The following MARCHF6 variants were observed in gnomAD, a reference collection of about 807,000 sequenced individuals.
MARCHF6 encodes the protein E3 ubiquitin-protein ligase MARCHF6.
MARCHF6 carries 31 observed loss-of-function variants against 133.7 expected under a neutral mutation model. The observed-to-expected ratio is 0.23, with a 90% CI of 0.17 to 0.31. MARCHF6 has a LOEUF of 0.31. Ranked by LOEUF, MARCHF6 falls within the 10% of genes least tolerant of loss-of-function variation. The pLI, the probability that MARCHF6 is intolerant of heterozygous loss-of-function variation, is 1.00. For synonymous variants in MARCHF6, 395 were observed against 402.5 expected, an observed-to-expected ratio of 0.98 and a Z score of 0.22; for missense variants, 723 against 1,121.6, an observed-to-expected ratio of 0.64 and a Z score of 5.08.
chr5:10,420,224 G>A (rs752406669), intron 22 of MARCHF6, among the ~76,000 whole-genome samples: 7 of 152,176 alleles, frequency 4.6e-5, no homozygotes, highest in Non-Finnish European at 7.3e-5. Flanking sequence ...ATGTCAGAAG[G>A]CCTACAACAT....
chr5:10,431,272 A>G (rs1740344384), intron 25 of MARCHF6, among the ~76,000 whole-genome samples: 1 of 152,208 alleles, frequency 6.6e-6, no homozygotes. Flanking sequence ...TCAACTTCTT[A>G]GCACTCAACT....
rs377282036 is a variant in MARCHF6 at position 10,390,482 on chromosome 5, G to A, written c.558G>A (p.Ala186=). The change falls in exon 6 of 26, where the codon GCG becomes GCA. Residue 186 remains alanine (A), a synonymous_variant. Transcript: ENST00000274140. The part of the protein sequence containing the change: ...LEHAAPPFNA[A]GHHQNEAPAG... The stretch of plus-strand genomic sequence containing the variant: ...ATGCTGCCCCACCGTTCAATGCTGC[G>A]GGGCATCACCAAAATGAGGTAACTC... The A allele has an allele frequency of 1.6e-4, 262 of 1,612,896 alleles. No homozygotes were observed. The highest frequency in any genetic ancestry group is 2.1e-4 in the Non-Finnish European group (249 of 1,179,698).
intron 12 of MARCHF6, 28 bp from the exon 13 acceptor site, chr5:10,402,356 T>C: frequency 1.3e-6 from 2 of 1,593,462 alleles, no homozygotes; most frequent in African/African-American, 1.3e-5. Flanking sequence ...CTTTAAATAC[T>C]CAGTTTTTCC....
chr5:10,391,484 G>A lies in MARCHF6; in HGVS notation c.577-58G>A, dbSNP rs151077315. The A allele has an allele frequency of 6.2e-4, 257 of 417,230 alleles. 1 individual carries two copies. Among genetic ancestry groups the A allele is most frequent in the African/African-American group, 4.4e-3 (172 of 39,198 alleles). The allele number at this position is 417,230 out of a possible 1,614,324, so 25.8% of individuals were successfully genotyped here. ...TTTTTTAGCAGGAATAATGTGATTT[G>A]GAAACAGAGCAAAACAGACAAGTGG... On this transcript the variant is annotated intron_variant, in intron 6 of 25. Transcript: ENST00000274140.
At chr5:10,427,769 C>G (rs1740165878) in intron 24 of MARCHF6, among the ~76,000 whole-genome samples, 1 of 152,112 alleles carries the variant, frequency 6.6e-6, no homozygotes, top group South Asian at 2.1e-4. Context: ...GGTTTGACTT[C>G]TAATAGTCTC....
At chr5:10,408,031 T>G (rs1739013720) in intron 17 of MARCHF6, among the ~76,000 whole-genome samples, 1 of 150,520 alleles carries the variant, frequency 6.6e-6, no homozygotes, top group African/African-American at 2.4e-5. Context: ...TATATGCTCT[T>G]TAGGGATTTG....
chr5:10,375,298 C>T (rs557352764), intron 1 of MARCHF6, among the ~76,000 whole-genome samples: 11 of 152,346 alleles, frequency 7.2e-5, no homozygotes, highest in African/African-American at 2.2e-4. Context: ...ACTTGGCACC[C>T]GGGCCAGCGG....
intron 10 of MARCHF6, among the ~76,000 whole-genome samples, chr5:10,399,825 C>A (rs1294333742): frequency 6.6e-6 from 1 of 152,086 alleles, no homozygotes; most frequent in Non-Finnish European, 1.5e-5. Context: ...TCTTTGCTTC[C>A]CCCAACTCAC....
At chr5:10,398,098 C>T (rs1738295491) in intron 10 of MARCHF6, among the ~76,000 whole-genome samples, 1 of 151,718 alleles carries the variant, frequency 6.6e-6, no homozygotes, top group South Asian at 2.1e-4. Flanking sequence ...TGATTTGTGT[C>T]TCAGAGACTT....
chr5:10,378,002 TTTA>T, intron 2 of MARCHF6, 108 bp downstream of exon 2: 1 of 660,278 alleles, frequency 1.5e-6, no homozygotes, highest in Non-Finnish European at 2.6e-6. Flanking sequence ...TTTTAAAAGT[TTTA>T]TTGTATTTTC....
At chr5:10,394,711 G>A (rs747467913) in intron 8 of MARCHF6, 42 bp from the exon 9 acceptor site, 1 of 1,498,888 alleles carries the variant, frequency 6.7e-7, no homozygotes, top group Admixed American at 1.8e-5. Flanking sequence ...AGAAAGTTCT[G>A]TTGCATCTTA....
intron 5 of MARCHF6, among the ~76,000 whole-genome samples, chr5:10,389,188 A>G (rs1000662560): frequency 6.6e-6 from 1 of 152,162 alleles, no homozygotes; most frequent in Non-Finnish European, 1.5e-5. Context: ...GTTATCTGTG[A>G]ATAATTCTGA....
intron 1 of MARCHF6, among the ~76,000 whole-genome samples, chr5:10,372,087 T>C (rs939568224): frequency 2.6e-5 from 4 of 151,366 alleles, no homozygotes; most frequent in Non-Finnish European, 4.4e-5. Flanking sequence ...AAGAGAGACA[T>C]AGAGACATGG....
intron 24 of MARCHF6, among the ~76,000 whole-genome samples, chr5:10,427,795 G>A (rs954222095): frequency 1.3e-5 from 2 of 152,154 alleles, no homozygotes; most frequent in Admixed American, 6.6e-5. Context: ...TTCTTAGACA[G>A]TAAAGATATT....
In MARCHF6 at chr5:10,436,783, C is replaced by T. The variant is rs144600171; in HGVS notation, c.*3099C>T. On this transcript the variant is annotated 3_prime_UTR_variant, in exon 26 of 26. Transcript: ENST00000274140. ...TGTATAGCTAGCCTTAAAAAACTTC[C>T]CATGTTTTTAGGTGACTTTTTTCCC... 148 of 152,176 alleles carry T rather than the reference C, an allele frequency of 9.7e-4. 1 individual carries two copies. The highest frequency in any genetic ancestry group is 3.5e-3 in the African/African-American group (146 of 41,526). 9.4% of individuals were successfully genotyped at this position (152,176 alleles called of 1,614,324 possible).
intron 3 of MARCHF6, among the ~76,000 whole-genome samples, chr5:10,380,846 G>C (rs1033423183): frequency 6.6e-6 from 1 of 151,420 alleles, no homozygotes; most frequent in Non-Finnish European, 1.5e-5. Context: ...AGAATCACTT[G>C]AACCTGGGAG....
chr5:10,417,549 C>G (rs1379597758), intron 22 of MARCHF6, 145 bp downstream of exon 22: 1 of 966,796 alleles, frequency 1.0e-6, no homozygotes, highest in Non-Finnish European at 1.6e-6. Flanking sequence ...AGTTCGAGAC[C>G]AGCCTGGGCA....
intron 22 of MARCHF6, among the ~76,000 whole-genome samples, chr5:10,420,512 T>C (rs193301811): frequency 1.3e-3 from 201 of 152,242 alleles, no homozygotes; most frequent in African/African-American, 4.5e-3. Flanking sequence ...GACAAACAGA[T>C]ACTATCTGCC....
intron 16 of MARCHF6, 78 bp downstream of exon 16, chr5:10,405,755 A>G: frequency 7.5e-7 from 1 of 1,334,752 alleles, no homozygotes; most frequent in Non-Finnish European, 1.0e-6. Flanking sequence ...TTTTTTTTCC[A>G]GTTCTCAAGC....
Sources: gnomAD v4.1 joint callset for allele counts (sites outside exome capture counted in the v4.1 genomes callset) on GRCh38, gnomAD v4.1.1 for gene constraint, MANE v1.5 for transcripts, NCBI Gene and HGNC (gene_info 2026-07-23, HGNC 2026-07-21) for gene names.